The following PMFBP1 variants were observed in gnomAD, a reference collection of about 807,000 sequenced individuals.
The protein encoded by PMFBP1 is polyamine modulated factor 1 binding protein 1.
PMFBP1 carries 131 observed loss-of-function variants against 137.8 expected under a neutral mutation model. The ratio of observed to expected loss-of-function variants is 0.95; its 90% CI spans 0.82 to 1.10. PMFBP1 has a LOEUF of 1.10. PMFBP1 is among the 50% of genes least tolerant of loss of function. The probability of loss-of-function intolerance (pLI) is 0.00; values close to 1 mark genes in which losing one functional copy is unlikely to be tolerated. For synonymous variants in PMFBP1, 490 were observed against 450.4 expected (o/e 1.09, Z -1.11); for missense variants, 1,199 against 1,175.4 (o/e 1.02, Z -0.29).
At chr16:72,195,981 A>ATGTGTGTG in the PMFBP1 span, among the ~76,000 whole-genome samples, 25 of 144,950 alleles carry the variant, frequency 1.7e-4, no homozygotes, top group South Asian at 2.4e-4. Flanking sequence ...AGCTTACAGA[A>ATGTGTGTG]TGTGTGTGTG....
chr16:72,238,240 A>G, the PMFBP1 span, among the ~76,000 whole-genome samples: 1 of 152,186 alleles, frequency 6.6e-6, no homozygotes, highest in Non-Finnish European at 1.5e-5. Flanking sequence ...GCTTTCCACA[A>G]TGGTTGAACT....
chr16:72,196,625 G>A, the PMFBP1 span, among the ~76,000 whole-genome samples: 34 of 152,218 alleles, frequency 2.2e-4, no homozygotes, highest in Non-Finnish European at 4.4e-5. Flanking sequence ...AATCTGAGTT[G>A]AAGAAGTTAT....
chr16:72,198,132 C>A, the PMFBP1 span, among the ~76,000 whole-genome samples: 4 of 152,018 alleles, frequency 2.6e-5, no homozygotes, highest in African/African-American at 9.7e-5. Context: ...TATGACAGGC[C>A]TAGAATGTGA....
the PMFBP1 span, among the ~76,000 whole-genome samples, chr16:72,208,332 G>T: frequency 7.5e-6 from 1 of 133,840 alleles, no homozygotes; most frequent in Non-Finnish European, 1.6e-5. Flanking sequence ...AATGCTGTCA[G>T]CCAAAAGAAG....
chr16:72,173,430 G>A (rs752273135), upstream of PMFBP1, among the ~76,000 whole-genome samples: 3 of 152,324 alleles, frequency 2.0e-5, no homozygotes, highest in South Asian at 2.1e-4. Context: ...GGTTTCATCC[G>A]CTATGGAGTT....
At chr16:72,227,089 T>C in the PMFBP1 span, among the ~76,000 whole-genome samples, 1 of 151,264 alleles carries the variant, frequency 6.6e-6, no homozygotes, top group Non-Finnish European at 1.5e-5. Flanking sequence ...ATTTCATTTG[T>C]AGAAAAAAAA....
chr16:72,146,429 G>A (rs1449855323), intron 5 of PMFBP1, among the ~76,000 whole-genome samples: 6 of 152,156 alleles, frequency 3.9e-5, no homozygotes, highest in Non-Finnish European at 8.8e-5. Context: ...TACTGAAAGG[G>A]CAAAAACCGG....
the PMFBP1 span, among the ~76,000 whole-genome samples, chr16:72,206,876 T>C: frequency 6.6e-6 from 1 of 152,326 alleles, no homozygotes; most frequent in East Asian, 1.9e-4. Flanking sequence ...GATCTCAACA[T>C]TTTAAAAATA....
At chr16:72,168,307 G>A (rs1440856507) in intron 2 of PMFBP1, among the ~76,000 whole-genome samples, 1 of 152,266 alleles carries the variant, frequency 6.6e-6, no homozygotes, top group Non-Finnish European at 1.5e-5. Flanking sequence ...AATGATGTTC[G>A]ATTTTTAATT....
chr16:72,206,697 C>A, the PMFBP1 span, among the ~76,000 whole-genome samples: 1 of 152,158 alleles, frequency 6.6e-6, no homozygotes, highest in Non-Finnish European at 1.5e-5. Context: ...GTTTGAGAGT[C>A]CACACTGTTA....
At position 72,163,012 on chromosome 16, in the gene PMFBP1, G is replaced by C. The variant is rs1219326661; in HGVS notation, c.165+1752C>G. Among the ~76,000 whole-genome samples the C allele has an allele frequency of 2.6e-5, 4 of 152,352 alleles. No homozygotes were observed. The East Asian group carries it at 5.8e-4, about 22-fold the overall frequency. ...TTGGTAGTATTTCTAGGACATTGCA[G>C]AGGAACAATTTGTGGTTTCAATAGT... On this transcript the variant is annotated intron_variant, in intron 3 of 20. Coordinates refer to ENST00000237353, the MANE Select transcript of PMFBP1 (RefSeq NM_031293.3).
chr16:72,130,310 T>C lies in PMFBP1; in HGVS notation c.1685A>G (p.Lys562Arg). 1 of 1,614,220 alleles carries C rather than the reference T, an allele frequency of 6.2e-7. No individual in the cohort carries two copies. Among genetic ancestry groups the C allele is most frequent in the Non-Finnish European group, 8.5e-7 (1 of 1,180,042 alleles). The part of the protein sequence containing the change: ...LSLELSEALR[K>R]LENSDKEKRQ... Reference sequence around the variant, plus strand: ...CTTTTCCTTGTCTGAATTTTCAAGCTTCCTCAGGGCTTCAGAGAGTTCTAA... The same window carrying C: ...CTTTTCCTTGTCTGAATTTTCAAGCCTCCTCAGGGCTTCAGAGAGTTCTAA... Residue 562 changes from lysine to arginine, a missense_variant, in exon 12 of 21, where the codon AAG (lysine) becomes AGG (arginine). By Grantham distance (26) the Lys-to-Arg change is conservative (BLOSUM62 2). Coordinates refer to ENST00000237353, the MANE Select transcript of PMFBP1 (RefSeq NM_031293.3).
At chr16:72,177,775 T>C (rs1596986104), upstream of PMFBP1, among the ~76,000 whole-genome samples, 1 of 152,346 alleles carries the variant, frequency 6.6e-6, no homozygotes, top group Middle Eastern at 3.4e-3. Flanking sequence ...GTTTTATATC[T>C]TTAGACTCCA....
At chr16:72,153,493 C>T (rs1223961699) in intron 4 of PMFBP1, among the ~76,000 whole-genome samples, 3 of 152,032 alleles carry the variant, frequency 2.0e-5, no homozygotes, top group South Asian at 2.1e-4. Flanking sequence ...TGGAAGAGTA[C>T]GTCTGTCCCA....
intron 20 of PMFBP1, 188 bp from the exon 21 acceptor site, chr16:72,119,542 C>T: frequency 1.4e-6 from 2 of 1,463,008 alleles, no homozygotes; most frequent in Admixed American, 2.7e-5. Context: ...CTGGGGTGCT[C>T]TTACGGGGTT....
At chr16:72,232,207 CAATT>C in the PMFBP1 span, among the ~76,000 whole-genome samples, 1 of 152,166 alleles carries the variant, frequency 6.6e-6, no homozygotes, top group Non-Finnish European at 1.5e-5. Flanking sequence ...AGATCTCAAT[CAATT>C]ATCATGATGT....
chr16:72,223,961 C>T, the PMFBP1 span, among the ~76,000 whole-genome samples: 1 of 152,188 alleles, frequency 6.6e-6, no homozygotes, highest in African/African-American at 2.4e-5. Context: ...CAAATTCTTA[C>T]CTTCAGGATG....
chr16:72,228,799 T>C, the PMFBP1 span, among the ~76,000 whole-genome samples: 1 of 152,040 alleles, frequency 6.6e-6, no homozygotes. Flanking sequence ...TCTCTACAGA[T>C]GAGTACAATA....
chr16:72,220,629 A>G, the PMFBP1 span, among the ~76,000 whole-genome samples: 1 of 152,308 alleles, frequency 6.6e-6, no homozygotes, highest in Non-Finnish European at 1.5e-5. Flanking sequence ...GAAAACACAG[A>G]ATGAAGAATG....
Sources: gnomAD v4.1 joint callset for allele counts (sites outside exome capture counted in the v4.1 genomes callset) on GRCh38, gnomAD v4.1.1 for gene constraint, MANE v1.5 for transcripts, NCBI Gene and HGNC (gene_info 2026-07-23, HGNC 2026-07-21) for gene names.